PITPNM2: variants seen among roughly 807,000 people sequenced by gnomAD.
The protein encoded by PITPNM2 is phosphatidylinositol transfer protein membrane associated 2, also known as membrane-associated phosphatidylinositol transfer protein 2.
Under a neutral mutation model 132.2 loss-of-function variants are expected in PITPNM2, and 35 were observed. The ratio of observed to expected loss-of-function variants is 0.26; its 90% CI spans 0.20 to 0.35. The LOEUF is 0.35. Ranked by LOEUF, PITPNM2 falls within the 10% of genes least tolerant of loss-of-function variation. PITPNM2 has a pLI of 1.00. For missense variants in PITPNM2, 1,332 were observed against 1,912.0 expected (o/e 0.70, Z 5.66); for synonymous variants, 738 against 799.2 (o/e 0.92, Z 1.29).
Position 122,993,719 on chromosome 12 carries a change from C to A in PITPNM2, c.2234-1050G>T, listed in dbSNP as rs752296228. 8.5e-5 allele frequency among the ~76,000 whole-genome samples: 13 copies of A among 152,160 alleles called. No individual in the cohort carries two copies. Among genetic ancestry groups the A allele is most frequent in the Non-Finnish European group, 1.9e-4 (13 of 68,018 alleles). ...TGGGACTCTGTGGGGCTGTTCAGAG[C>A]CTGCAGTGGCTGGGGCACAGGGATG... On this transcript the variant is annotated intron_variant, in intron 15 of 25. Coordinates refer to ENST00000320201, the MANE Select transcript of PITPNM2 (RefSeq NM_020845.3). This position sits in a 1 kb window ranked among gnomAD's most constrained non-coding sequence, Gnocchi z 5.2.
At chr12:123,030,876 A>C in intron 3 of PITPNM2, among the ~76,000 whole-genome samples, 1 of 152,126 alleles carries the variant, frequency 6.6e-6, no homozygotes, top group Non-Finnish European at 1.5e-5. Context: ...CACTGAGTGA[A>C]AGAAGCCAGA....
intron 1 of PITPNM2, among the ~76,000 whole-genome samples, chr12:123,128,466 G>GT: frequency 6.9e-6 from 1 of 144,438 alleles, no homozygotes; most frequent in Non-Finnish European, 1.5e-5. Context: ...AAAAAAAAAG[G>GT]TGGGGGGGCA....
intron 1 of PITPNM2, among the ~76,000 whole-genome samples, chr12:123,118,531 G>T (rs2042972662): frequency 6.6e-6 from 1 of 152,214 alleles, no homozygotes; most frequent in Admixed American, 6.5e-5. Context: ...AAATATGCTG[G>T]GTCACAAAGC....
Position 123,095,477 on chromosome 12 carries a change from G to C in PITPNM2, c.-96+14908C>G, listed in dbSNP as rs1486749424. ...ATCTTTCAGGTACTCAACAAAGCAAGATGTCGTGATGTTGCCACCAGCCTG... is the reference window on the plus strand; with the variant it reads ...ATCTTTCAGGTACTCAACAAAGCAACATGTCGTGATGTTGCCACCAGCCTG... On this transcript the variant is annotated intron_variant, in intron 2 of 25. Coordinates refer to ENST00000320201, the MANE Select transcript of PITPNM2 (RefSeq NM_020845.3). This position sits in a 1 kb window ranked among gnomAD's most constrained non-coding sequence, Gnocchi z 5.0. Among the ~76,000 whole-genome samples, 1 of 152,176 alleles carries C rather than the reference G, an allele frequency of 6.6e-6. No homozygotes were observed. The highest frequency in any genetic ancestry group is 2.4e-5 in the African/African-American group (1 of 41,438).
Position 123,031,417 on chromosome 12 carries a change from C to T in PITPNM2, c.78+3096G>A, listed in dbSNP as rs2040083326. ...TGTCTAAGACCCAGCTGGGGCAGGG[C>T]TGGCCAGCAGGGGCCTTAAGTGCAT... On this transcript the variant is annotated intron_variant, in intron 3 of 25. Transcript: ENST00000320201. The surrounding 1 kb of genome is among the most constrained non-coding windows in gnomAD (Gnocchi z 4.5). 6.6e-6 allele frequency among the ~76,000 whole-genome samples: 1 copy of T among 152,242 alleles called. No individual in the cohort carries two copies. Among genetic ancestry groups the T allele is most frequent in the African/African-American group, 2.4e-5 (1 of 41,454 alleles).
chr12:122,986,148 C>T lies in PITPNM2; in HGVS notation c.3929G>A (p.Arg1310Gln), dbSNP rs747338339. 4.3e-5 allele frequency: 65 copies of T among 1,529,212 alleles called. No individual in the cohort carries two copies. The highest frequency in any genetic ancestry group is 7.2e-5 in the South Asian group (6 of 83,020). The allele number at this position is 1,529,212 out of a possible 1,614,324, so 94.7% of individuals were successfully genotyped here. The change falls in exon 26 of 26, where the codon CGG becomes CAG. Residue 1310 changes from arginine to glutamine, a missense_variant. Transcript: ENST00000320201. Reference sequence around the variant, plus strand: ...CTCGCCATCCGCCTGGCTCTGTGTCCGCTCGTGCCGGTGGCTGGGCCCGCT... The same window carrying T: ...CTCGCCATCCGCCTGGCTCTGTGTCTGCTCGTGCCGGTGGCTGGGCCCGCT... ...QPSGPSHRHE[R>Q]TQSQADGEQR...
chr12:123,033,140 T>C (rs2040152303), intron 3 of PITPNM2, among the ~76,000 whole-genome samples: 3 of 152,200 alleles, frequency 2.0e-5, no homozygotes, highest in African/African-American at 7.2e-5. Context: ...ATTAAGGGGT[T>C]GTACAGCAAG....
intron 2 of PITPNM2, among the ~76,000 whole-genome samples, chr12:123,054,843 C>T (rs971355512): frequency 6.6e-6 from 1 of 152,236 alleles, no homozygotes; most frequent in African/African-American, 2.4e-5. Flanking sequence ...GCGACAGGAT[C>T]ACCTGAGGTC....
chr12:123,020,429 A>C (rs2039620718), intron 3 of PITPNM2, among the ~76,000 whole-genome samples: 1 of 151,978 alleles, frequency 6.6e-6, no homozygotes, highest in Non-Finnish European at 1.5e-5. Flanking sequence ...CCATAAAAGG[A>C]GCACAGTTTT....
intron 2 of PITPNM2, among the ~76,000 whole-genome samples, chr12:123,037,051 G>A (rs1049181248): frequency 1.3e-5 from 2 of 152,206 alleles, no homozygotes; most frequent in African/African-American, 2.4e-5. Flanking sequence ...ACTCAGCTCC[G>A]CCTAGGCCCA....
At chr12:123,124,593 T>C (rs1297078155) in intron 1 of PITPNM2, among the ~76,000 whole-genome samples, 1 of 152,194 alleles carries the variant, frequency 6.6e-6, no homozygotes, top group Non-Finnish European at 1.5e-5. Flanking sequence ...ATTATTATAC[T>C]TTAAGTTCTA....
intron 1 of PITPNM2, among the ~76,000 whole-genome samples, chr12:123,143,542 CA>C (rs1341537793): frequency 6.6e-6 from 1 of 152,156 alleles, no homozygotes; most frequent in Non-Finnish European, 1.5e-5. Context: ...TGAGAGAGCC[CA>C]GGCATAAGAA....
chr12:123,016,447 C>G (rs1353622025), intron 3 of PITPNM2, among the ~76,000 whole-genome samples: 1 of 151,760 alleles, frequency 6.6e-6, no homozygotes, highest in Non-Finnish European at 1.5e-5. Context: ...TCCCAAATAG[C>G]TGGGACTATA....
chr12:123,055,451 C>A (rs559643899), intron 2 of PITPNM2, among the ~76,000 whole-genome samples: 1 of 152,220 alleles, frequency 6.6e-6, no homozygotes, highest in Non-Finnish European at 1.5e-5. Context: ...AAGCAGTATA[C>A]GCCACCAGCT....
At chr12:123,060,098 C>T (rs1182403344) in intron 2 of PITPNM2, among the ~76,000 whole-genome samples, 1 of 152,160 alleles carries the variant, frequency 6.6e-6, no homozygotes, top group Admixed American at 6.5e-5. Flanking sequence ...TTATCAACCC[C>T]CAGGCCCCAA....
At position 122,992,692 on chromosome 12, in the gene PITPNM2, C is replaced by G; in HGVS notation, c.2234-23G>C. The G allele has an allele frequency of 6.5e-7, 1 of 1,533,148 alleles. No homozygotes were observed. The highest frequency in any genetic ancestry group is 8.8e-7 in the Non-Finnish European group (1 of 1,137,516). The allele number at this position is 1,533,148 out of a possible 1,614,324, so 95.0% of individuals were successfully genotyped here. On this transcript the variant is annotated intron_variant, in intron 15 of 25. Coordinates refer to ENST00000320201, the MANE Select transcript of PITPNM2 (RefSeq NM_020845.3). The surrounding 1 kb of genome is among the most constrained non-coding windows in gnomAD (Gnocchi z 6.5). ...AAACTGGGGGTGGGGGTGTTGGCTG[C>G]AGAGCTGGGGCTGGCCCTGAGGAGC... is the stretch of plus-strand genomic sequence containing the variant.
chr12:123,038,316 C>CT (rs1313981168), intron 2 of PITPNM2, among the ~76,000 whole-genome samples: 43 of 152,302 alleles, frequency 2.8e-4, no homozygotes, highest in Non-Finnish European at 5.0e-4. Context: ...ACTCAGAACT[C>CT]TAAGAGTGAC....
chr12:123,027,481 G>A (rs1245308585), intron 3 of PITPNM2, among the ~76,000 whole-genome samples: 1 of 152,200 alleles, frequency 6.6e-6, no homozygotes, highest in Non-Finnish European at 1.5e-5. Context: ...GGGCAGACTG[G>A]TATCATTAGG....
At chr12:123,107,595 C>G (rs934843191) in intron 2 of PITPNM2, among the ~76,000 whole-genome samples, 1 of 152,216 alleles carries the variant, frequency 6.6e-6, no homozygotes, top group African/African-American at 2.4e-5. Context: ...AAGGAAAGAT[C>G]TCGTTCTTAG....
Sources: gnomAD v4.1 joint callset for allele counts (sites outside exome capture counted in the v4.1 genomes callset) on GRCh38, gnomAD v4.1.1 for gene constraint, Gnocchi (gnomAD v3.1) non-coding constraint, MANE v1.5 for transcripts, NCBI Gene and HGNC (gene_info 2026-07-23, HGNC 2026-07-21) for gene names.